NWD1: variants seen among roughly 807,000 people sequenced by gnomAD.
The protein encoded by NWD1 is NACHT and WD repeat domain containing 1, also known as NACHT domain- and WD repeat-containing protein 1.
NWD1 carries 129 observed loss-of-function variants against 135.1 expected under a neutral mutation model. The ratio of observed to expected loss-of-function variants is 0.96; its 90% CI spans 0.83 to 1.11. The LOEUF is 1.11. NWD1 is among the 50% of genes least tolerant of loss of function. The probability of loss-of-function intolerance (pLI) is 0.00; values close to 1 mark genes in which losing one functional copy is unlikely to be tolerated. For synonymous variants in NWD1, 773 were observed against 786.0 expected, an observed-to-expected ratio of 0.98 and a Z score of 0.28; for missense variants, 1,740 against 1,851.3, an observed-to-expected ratio of 0.94 and a Z score of 1.10.
Position 16,749,697 on chromosome 19 carries a change from G to T in NWD1, c.1055G>T (p.Cys352Phe). 6.2e-7 allele frequency: 1 copy of T among 1,602,072 alleles called. No individual in the cohort carries two copies. The highest frequency in any genetic ancestry group is 8.5e-7 in the Non-Finnish European group (1 of 1,173,114). ...PPGIGKTALM[C>F]KLAEQMPRLL... ...GGCATTGGAAAGACAGCCCTGATGT[G>T]CAAGCTGGCTGAGCAGATGCCAAGG... The change falls in exon 6 of 19, where the codon TGC (cysteine) becomes TTC (phenylalanine). Residue 352 changes from cysteine to phenylalanine, a missense_variant. Transcript: ENST00000524140.
Position 16,739,329 on chromosome 19 carries a change from CAAAAAAAAAAAAAAAA to C in NWD1, c.198+2590_198+2605del, listed in dbSNP as rs67106916. The stretch of plus-strand genomic sequence containing the variant: ...TAACATAGTGAGACCCTATCTCTAC[CAAAAAAAAAAAAAAAA>C]AAAAAAAAAATTATTTTTTTAAGGA... On this transcript the variant is annotated intron_variant, in intron 4 of 18. Coordinates refer to ENST00000524140, the MANE Select transcript of NWD1 (RefSeq NM_001007525.5). 6.7e-3 allele frequency among the ~76,000 whole-genome samples: 527 copies of C among 78,976 alleles called. 4 individuals carry two copies. Among genetic ancestry groups the C allele is most frequent in the African/African-American group, 0.024 (506 of 21,470 alleles). The allele number at this position is 78,976 out of a possible 152,430, so 51.8% of individuals were successfully genotyped here.
intron 3 of NWD1, among the ~76,000 whole-genome samples, chr19:16,734,841 C>T (rs1967728624): frequency 1.3e-5 from 2 of 152,074 alleles, no homozygotes; most frequent in South Asian, 4.1e-4. Flanking sequence ...CTCCCTCAGC[C>T]TCCCATAGTG....
intron 17 of NWD1, among the ~76,000 whole-genome samples, chr19:16,804,364 T>TGAGGCCAGAAGTTC (rs1375973653): frequency 6.6e-6 from 1 of 152,034 alleles, no homozygotes; most frequent in Admixed American, 6.6e-5. Context: ...GAGGATCACT[T>TGAGGCCAGAAGTTC]GAGGCCAGAA....
At chr19:16,733,760 G>A (rs1050163168) in intron 3 of NWD1, among the ~76,000 whole-genome samples, 1 of 151,808 alleles carries the variant, frequency 6.6e-6, no homozygotes, top group African/African-American at 2.4e-5. Flanking sequence ...GTCCTCTGAC[G>A]CGGATGCTGT....
At chr19:16,729,020 C>T (rs1158596636) in intron 2 of NWD1, among the ~76,000 whole-genome samples, 1 of 150,992 alleles carries the variant, frequency 6.6e-6, no homozygotes, top group Non-Finnish European at 1.5e-5. Flanking sequence ...AATCCCAGCA[C>T]ATTGGGAGGC....
chr19:16,738,737 T>C (rs1198460109), intron 4 of NWD1, among the ~76,000 whole-genome samples: 4 of 141,286 alleles, frequency 2.8e-5, no homozygotes, highest in Non-Finnish European at 4.5e-5. Context: ...AATCTATATA[T>C]AATATATATA....
chr19:16,720,650 G>A (rs965238582), intron 1 of NWD1, among the ~76,000 whole-genome samples: 10 of 152,112 alleles, frequency 6.6e-5, no homozygotes, highest in Non-Finnish European at 8.8e-5. Context: ...TGCCTCCCAG[G>A]TTCACACCAT....
At chr19:16,751,620 G>C (rs1161116164) in intron 6 of NWD1, among the ~76,000 whole-genome samples, 1 of 151,932 alleles carries the variant, frequency 6.6e-6, no homozygotes, top group Non-Finnish European at 1.5e-5. Context: ...GGTCAACATG[G>C]TGAAACCTCA....
chr19:16,789,776 G>A (rs961912493), intron 13 of NWD1, among the ~76,000 whole-genome samples: 1 of 144,438 alleles, frequency 6.9e-6, no homozygotes, highest in Non-Finnish European at 1.5e-5. Context: ...GGAGTACAGT[G>A]GTACAATCTC....
At chr19:16,757,328 C>T (rs927068281) in intron 6 of NWD1, among the ~76,000 whole-genome samples, 3 of 152,148 alleles carry the variant, frequency 2.0e-5, no homozygotes, top group Non-Finnish European at 4.4e-5. Flanking sequence ...TCAGCATGCC[C>T]TGTGCCCTCT....
At chr19:16,778,564 A>G (rs1048389381) in intron 11 of NWD1, among the ~76,000 whole-genome samples, 13 of 145,854 alleles carry the variant, frequency 8.9e-5, no homozygotes, top group African/African-American at 3.4e-4. Flanking sequence ...GTTGGAGTGC[A>G]GTGGTGTGAT....
intron 4 of NWD1, among the ~76,000 whole-genome samples, chr19:16,742,994 C>G (rs967560347): frequency 1.3e-5 from 2 of 151,340 alleles, no homozygotes; most frequent in Non-Finnish European, 2.9e-5. Context: ...CTCACTGCAA[C>G]CTTCGCCTCC....
intron 4 of NWD1, 107 bp downstream of exon 4, chr19:16,736,857 GTACCT>G (rs1967842251): frequency 1.4e-6 from 1 of 721,540 alleles, no homozygotes; most frequent in African/African-American, 1.7e-5. Flanking sequence ...TTCTGCTTTC[GTACCT>G]TATCCCTATG....
Position 16,739,810 on chromosome 19 carries a change from T to A in NWD1, c.198+3060T>A, listed in dbSNP as rs375075463. On this transcript the variant is annotated intron_variant, in intron 4 of 18. Transcript: ENST00000524140. ...TCTTGGGCTATCAGCAGCCCCAGTG[T>A]CTCCAGAGCTCTGAGAGTTGTTCCT... Among the ~76,000 whole-genome samples the A allele has an allele frequency of 1.5e-4, 23 of 152,242 alleles. No homozygotes were observed. In the South Asian group the frequency reaches 4.8e-3, roughly 32 times the overall value.
At chr19:16,751,724 C>A (rs1968586774) in intron 6 of NWD1, among the ~76,000 whole-genome samples, 1 of 150,870 alleles carries the variant, frequency 6.6e-6, no homozygotes, top group African/African-American at 2.4e-5. Flanking sequence ...TCACTTGAAC[C>A]CGGGAGGCAG....
chr19:16,758,783 G>A (rs1968890089), intron 6 of NWD1, among the ~76,000 whole-genome samples: 1 of 152,052 alleles, frequency 6.6e-6, no homozygotes, highest in South Asian at 2.1e-4. Flanking sequence ...ACCGAGGCAG[G>A]TGGATCACGA....
At position 16,789,029 on chromosome 19, in the gene NWD1, T is replaced by C; in HGVS notation, c.2779T>C (p.Ser927Pro). The C allele has an allele frequency of 4.3e-6, 7 of 1,612,804 alleles. No homozygotes were observed. Among genetic ancestry groups the C allele is most frequent in the Non-Finnish European group, 5.9e-6 (7 of 1,179,792 alleles). Residue 927 changes from serine to proline, a missense_variant, in exon 13 of 19, where the codon TCT (serine) becomes CCT (proline). Ser to Pro is a moderately conservative substitution (Grantham distance 74). Transcript: ENST00000524140. ...ATTTGCCAAAGGGACCCTCGCCAAC[T>C]CTGCTTCAAAGGATTACACGCTGCA... The part of the protein sequence containing the change: ...KIFAKGTLAN[S>P]ASKDYTLHLW...
At chr19:16,800,301 T>TGA in intron 17 of NWD1, 139 bp downstream of exon 17, 4 of 825,754 alleles carry the variant, frequency 4.8e-6, no homozygotes, top group Non-Finnish European at 5.6e-6. Flanking sequence ...TGGGAGGCCT[T>TGA]GGCGGGTGGA....
chr19:16,728,960 A>T (rs555168633), intron 2 of NWD1, among the ~76,000 whole-genome samples: 13,206 of 146,772 alleles, frequency 0.09, 753 homozygotes, highest in African/African-American at 0.13. Context: ...AAAAAAAAAA[A>T]AAAATAAGTA....
Sources: gnomAD v4.1 joint callset for allele counts (sites outside exome capture counted in the v4.1 genomes callset) on GRCh38, gnomAD v4.1.1 for gene constraint, MANE v1.5 for transcripts, NCBI Gene and HGNC (gene_info 2026-07-23, HGNC 2026-07-21) for gene names.